ADRA1A: variants seen among roughly 807,000 people sequenced by gnomAD.
ADRA1A encodes the protein alpha-1A adrenergic receptor.
In ADRA1A, 31 loss-of-function variants were observed where a neutral mutation model predicts 29.6. That is an observed-to-expected ratio of 1.05 (90% CI 0.79 to 1.41). ADRA1A has a LOEUF of 1.41. Ranked by LOEUF, ADRA1A falls within the 40% of genes most tolerant of loss-of-function variation. The probability of loss-of-function intolerance (pLI) is 0.00; values close to 1 mark genes in which losing one functional copy is unlikely to be tolerated. For synonymous variants in ADRA1A, 311 were observed against 254.3 expected (o/e 1.22, Z -2.12); for missense variants, 619 against 601.1 (o/e 1.03, Z -0.31).
intron 2 of ADRA1A, among the ~76,000 whole-genome samples, chr8:26,773,410 C>T (rs949632723): frequency 1.3e-5 from 2 of 152,084 alleles, no homozygotes; most frequent in African/African-American, 4.8e-5. Context: ...ATTATGAAAC[C>T]TATATATTGT....
chr8:26,766,080 G>T (rs771028635), downstream of ADRA1A: 1 of 1,613,590 alleles, frequency 6.2e-7, no homozygotes, highest in Non-Finnish European at 8.5e-7. Context: ...CTCCACGGTG[G>T]CATCATAAAA....
intron 2 of ADRA1A, among the ~76,000 whole-genome samples, chr8:26,781,984 G>A (rs1360578325): frequency 3.3e-5 from 5 of 152,216 alleles, no homozygotes; most frequent in African/African-American, 1.2e-4. Context: ...CTTCCGGACT[G>A]CTGCAAAGAT....
chr8:26,824,514 G>A (rs530380088), intron 2 of ADRA1A, among the ~76,000 whole-genome samples: 4 of 152,216 alleles, frequency 2.6e-5, no homozygotes, highest in African/African-American at 9.6e-5. Context: ...CAAAATTTAA[G>A]AGCTTAATAG....
At chr8:26,766,276 A>G (rs905954523), downstream of ADRA1A, 6 of 698,106 alleles carry the variant, frequency 8.6e-6, no homozygotes, top group African/African-American at 7.0e-5. Context: ...TTGGTCATCA[A>G]TAACTTCAAT....
intron 2 of ADRA1A, among the ~76,000 whole-genome samples, chr8:26,838,603 A>G (rs1811564832): frequency 6.6e-6 from 1 of 152,254 alleles, no homozygotes; most frequent in African/African-American, 2.4e-5. Flanking sequence ...CACCTAAGCC[A>G]CTTTCATCAT....
chr8:26,834,635 C>T (rs1211364231), intron 2 of ADRA1A, among the ~76,000 whole-genome samples: 2 of 152,178 alleles, frequency 1.3e-5, no homozygotes, highest in East Asian at 3.9e-4. Flanking sequence ...GTAGATCCCA[C>T]CAGCCCAGAA....
In ADRA1A at chr8:26,779,468, C is replaced by T. The variant is rs533277684; in HGVS notation, c.884-8802G>A. On this transcript the variant is annotated intron_variant, in intron 2 of 2. Coordinates refer to ENST00000380573, the MANE Select transcript of ADRA1A (RefSeq NM_000680.4). Reference sequence around the variant, plus strand: ...AGACTTAGAACAGTAATTGATGCTACCCCTTCCTATCTGTAAGAGCAGATG... The same window carrying T: ...AGACTTAGAACAGTAATTGATGCTATCCCTTCCTATCTGTAAGAGCAGATG... 14 of 690,894 alleles carry T rather than the reference C, an allele frequency of 2.0e-5. No individual in the cohort carries two copies. The African/African-American group carries it at 2.1e-4, about 10-fold the overall frequency. 42.8% of individuals were successfully genotyped at this position (690,894 alleles called of 1,614,324 possible). A position where few individuals can be genotyped will look rare whatever the true frequency, so the allele number is the denominator to read the frequency against.
intron 2 of ADRA1A, among the ~76,000 whole-genome samples, chr8:26,820,989 A>G (rs1810131153): frequency 6.6e-6 from 1 of 152,048 alleles, no homozygotes; most frequent in South Asian, 2.1e-4. Flanking sequence ...TCCTGGGTTC[A>G]AGCGATTCTC....
chr8:26,749,687 A>G (rs986391969), intron 2 of ADRA1A, among the ~76,000 whole-genome samples: 4 of 152,148 alleles, frequency 2.6e-5, no homozygotes, highest in African/African-American at 9.7e-5. Context: ...TCCTTTACCC[A>G]CAGAGAGGAA....
rs373435048 is a variant in ADRA1A, at chr8:26,777,559, C to T, written c.884-6893G>A. Among the ~76,000 whole-genome samples, 287 of 152,264 alleles carry T rather than the reference C, an allele frequency of 1.9e-3. 1 individual carries two copies. Among genetic ancestry groups the T allele is most frequent in the African/African-American group, 6.6e-3 (274 of 41,536 alleles). On this transcript the variant is annotated intron_variant, in intron 2 of 2. Coordinates refer to ENST00000380573, the MANE Select transcript of ADRA1A (RefSeq NM_000680.4). ...GGAAGGACTTCGCTAGTCTTTTTTT[C>T]CCCTATTTAACTGGGGCCTGAAATT...
intron 2 of ADRA1A, among the ~76,000 whole-genome samples, chr8:26,783,120 A>C (rs2130367804): frequency 6.6e-6 from 1 of 152,320 alleles, no homozygotes; most frequent in African/African-American, 2.4e-5. Context: ...CTCTTGCCAG[A>C]GAGATTCTGA....
downstream of ADRA1A, among the ~76,000 whole-genome samples, chr8:26,765,542 C>T (rs146514862): frequency 2.6e-5 from 4 of 152,342 alleles, no homozygotes; most frequent in Non-Finnish European, 5.9e-5. Context: ...CAACTGGGCT[C>T]CACTGGAGCT....
intron 2 of ADRA1A, among the ~76,000 whole-genome samples, chr8:26,834,811 C>T (rs1015749795): frequency 1.3e-5 from 2 of 152,196 alleles, no homozygotes; most frequent in South Asian, 4.1e-4. Context: ...GAACTCTGGA[C>T]TTTTTCCACT....
intron 2 of ADRA1A, chr8:26,854,655 G>GTGACTC (rs1222352377): frequency 6.6e-6 from 1 of 152,230 alleles, no homozygotes; most frequent in Non-Finnish European, 1.5e-5. Flanking sequence ...CAGGGACAAA[G>GTGACTC]TGACTCCCTG....
At chr8:26,802,535 C>T (rs1266674734) in intron 2 of ADRA1A, among the ~76,000 whole-genome samples, 3 of 151,926 alleles carry the variant, frequency 2.0e-5, no homozygotes, top group Non-Finnish European at 4.4e-5. Context: ...TTATCTCACC[C>T]CAGTAAAAAT....
chr8:26,820,530 A>G (rs2130591076), intron 2 of ADRA1A, among the ~76,000 whole-genome samples: 1 of 152,330 alleles, frequency 6.6e-6, no homozygotes, highest in East Asian at 1.9e-4. Flanking sequence ...CTTTGGCTGG[A>G]TAGTACAGCC....
chr8:26,799,058 G>A (rs948257411), intron 2 of ADRA1A, among the ~76,000 whole-genome samples: 5 of 152,068 alleles, frequency 3.3e-5, no homozygotes, highest in African/African-American at 7.2e-5. Flanking sequence ...AAAAAGCCCC[G>A]GATGTTGTCA....
chr8:26,842,371 G>A (rs1355088360), intron 2 of ADRA1A, among the ~76,000 whole-genome samples: 2 of 151,992 alleles, frequency 1.3e-5, no homozygotes, highest in Admixed American at 6.6e-5. Flanking sequence ...AATACTAAAG[G>A]TTTTCTGGAA....
chr8:26,856,427 G>A (rs1385436460), intron 2 of ADRA1A, among the ~76,000 whole-genome samples: 1 of 152,104 alleles, frequency 6.6e-6, no homozygotes. Flanking sequence ...CTCATCTTTG[G>A]ATAAAAACAC....
Sources: gnomAD v4.1 joint callset for allele counts (sites outside exome capture counted in the v4.1 genomes callset) on GRCh38, gnomAD v4.1.1 for gene constraint, MANE v1.5 for transcripts, NCBI Gene and HGNC (gene_info 2026-07-23, HGNC 2026-07-21) for gene names.